The following WWP2 variants were observed in gnomAD, a reference collection of about 807,000 sequenced individuals.
The protein encoded by WWP2 is WW domain containing E3 ubiquitin protein ligase 2.
In WWP2, 57 loss-of-function variants were observed where a neutral mutation model predicts 121.0. That is an observed-to-expected ratio of 0.47 (90% confidence interval 0.38 to 0.59). The LOEUF (loss-of-function observed/expected upper bound fraction) is 0.59. Ranked by LOEUF, WWP2 falls within the 20% of genes least tolerant of loss-of-function variation. WWP2 has a pLI of 0.00. For missense variants in WWP2, 962 were observed against 1,158.9 expected, an observed-to-expected ratio of 0.83 and a Z score of 2.47; for synonymous variants, 449 against 441.3, an observed-to-expected ratio of 1.02 and a Z score of -0.22.
At chr16:69,907,573 G>T (rs904570234) in intron 8 of WWP2, among the ~76,000 whole-genome samples, 4 of 152,134 alleles carry the variant, frequency 2.6e-5, no homozygotes, top group African/African-American at 9.7e-5. Context: ...ATACATTTTT[G>T]CATCCTTTAT....
intron 2 of WWP2, among the ~76,000 whole-genome samples, chr16:69,790,985 T>C (rs2055897539): frequency 6.6e-6 from 1 of 152,228 alleles, no homozygotes; most frequent in Non-Finnish European, 1.5e-5. Flanking sequence ...TTTTGTAGTC[T>C]TGAAATATTT....
chr16:69,914,177 C>T (rs2058445030), intron 9 of WWP2, among the ~76,000 whole-genome samples: 1 of 147,778 alleles, frequency 6.8e-6, no homozygotes, highest in Non-Finnish European at 1.5e-5. Context: ...AGTTCTTTAG[C>T]AAGAACTTGC....
At chr16:69,857,014 TG>T (rs1452751050) in intron 6 of WWP2, among the ~76,000 whole-genome samples, 1 of 152,232 alleles carries the variant, frequency 6.6e-6, no homozygotes, top group African/African-American at 2.4e-5. Flanking sequence ...ATGTTTCTCG[TG>T]ATTCTTGATA....
chr16:69,930,528 C>T (rs1472055916), intron 13 of WWP2, among the ~76,000 whole-genome samples: 2 of 152,032 alleles, frequency 1.3e-5, no homozygotes, highest in Admixed American at 1.3e-4. Flanking sequence ...AAGACCCCAT[C>T]TCTACAAAAA....
chr16:69,786,839 A>T (rs1404073452), intron 1 of WWP2, among the ~76,000 whole-genome samples, 157 bp from the exon 2 acceptor site: 1 of 152,204 alleles, frequency 6.6e-6, no homozygotes, highest in Non-Finnish European at 1.5e-5. Context: ...GTCCAGGTTC[A>T]TTAAGTCATT....
At chr16:69,920,927 T>A (rs2058552789) in intron 10 of WWP2, among the ~76,000 whole-genome samples, 1 of 152,206 alleles carries the variant, frequency 6.6e-6, no homozygotes, top group Admixed American at 6.5e-5. Flanking sequence ...ATCTGCCTGG[T>A]CTTTTTGGAG....
intron 9 of WWP2, chr16:69,910,364 G>A (rs2058360898): frequency 1.2e-5 from 12 of 982,612 alleles, no homozygotes; most frequent in Non-Finnish European, 1.4e-5. Flanking sequence ...TGTACTTTGT[G>A]TACTTTATAA....
At chr16:69,860,568 G>A (rs944027720) in intron 6 of WWP2, among the ~76,000 whole-genome samples, 4 of 152,292 alleles carry the variant, frequency 2.6e-5, no homozygotes, top group Non-Finnish European at 2.9e-5. Flanking sequence ...AGAGAATGCC[G>A]GGCAAGTAGA....
intron 14 of WWP2, 114 bp downstream of exon 14, chr16:69,931,341 C>T (rs1167631586): frequency 6.7e-7 from 1 of 1,493,352 alleles, no homozygotes; most frequent in African/African-American, 1.4e-5. Context: ...GGGCGCAAGA[C>T]ACTTGTCTAA....
chr16:69,839,600 T>C (rs2056938541), intron 4 of WWP2, among the ~76,000 whole-genome samples: 1 of 152,024 alleles, frequency 6.6e-6, no homozygotes, highest in African/African-American at 2.4e-5. Flanking sequence ...TTGTTTTAAC[T>C]TTTTTTTCCT....
intron 11 of WWP2, 93 bp from the exon 12 acceptor site, chr16:69,929,355 C>A: frequency 8.4e-7 from 1 of 1,192,372 alleles, no homozygotes; most frequent in Non-Finnish European, 1.2e-6. Flanking sequence ...GAGATAAACT[C>A]AGACCCAGCA....
At chr16:69,939,719 GC>G (rs10712484) in intron 23 of WWP2, 121 bp from the exon 24 acceptor site, 674,402 of 890,190 alleles carry the variant, frequency 0.76, 258,704 homozygotes, top group East Asian at 0.96. Context: ...GGCCTGACTG[GC>G]AGCCCCTGAG....
chr16:69,936,053 C>T (rs1412991975), intron 18 of WWP2, 67 bp downstream of exon 18: 23 of 1,581,984 alleles, frequency 1.5e-5, no homozygotes, highest in Non-Finnish European at 2.0e-5. Flanking sequence ...GAAGCAGGTA[C>T]TGATGGCCTT....
chr16:69,878,855 A>T (rs188371257), intron 7 of WWP2, among the ~76,000 whole-genome samples: 1 of 152,192 alleles, frequency 6.6e-6, no homozygotes, highest in Non-Finnish European at 1.5e-5. Flanking sequence ...AAGACAAAGG[A>T]TGTGAATTTT....
rs1030881364 is a variant in WWP2 at position 69,929,325 on chromosome 16, T to C, written c.1235-123T>C. Reference sequence around the variant, plus strand: ...TGAGCTTGGCTTTGGCTGGTTCTTCTCTAACAGGCTGACAACAGGGAGATA... The same window carrying C: ...TGAGCTTGGCTTTGGCTGGTTCTTCCCTAACAGGCTGACAACAGGGAGATA... On this transcript the variant is annotated intron_variant, in intron 11 of 23. Transcript: ENST00000359154. 1.2e-5 allele frequency: 10 copies of C among 844,352 alleles called. No individual in the cohort carries two copies. In the African/African-American group the frequency reaches 1.5e-4, roughly 13 times the overall value. The allele number at this position is 844,352 out of a possible 1,614,324, so 52.3% of individuals were successfully genotyped here. A position where few individuals can be genotyped will look rare whatever the true frequency, so the allele number is the denominator to read the frequency against.
chr16:69,867,689 G>A (rs2057553195), intron 6 of WWP2, among the ~76,000 whole-genome samples: 1 of 152,180 alleles, frequency 6.6e-6, no homozygotes, highest in South Asian at 2.1e-4. Flanking sequence ...CTTGAGTGAG[G>A]ACACACCGCA....
chr16:69,927,056 GAT>G (rs1404720610), intron 11 of WWP2, among the ~76,000 whole-genome samples: 1 of 152,136 alleles, frequency 6.6e-6, no homozygotes, highest in African/African-American at 2.4e-5. Flanking sequence ...AAATATTTGA[GAT>G]AGAAATGGAG....
intron 9 of WWP2, among the ~76,000 whole-genome samples, chr16:69,913,085 C>T (rs1191932608): frequency 1.5e-5 from 2 of 135,424 alleles, no homozygotes; most frequent in African/African-American, 2.7e-5. Flanking sequence ...AGTGCAGTGG[C>T]GCAATCTCGG....
chr16:69,930,588 A>G (rs2058697015), intron 13 of WWP2, among the ~76,000 whole-genome samples: 1 of 152,180 alleles, frequency 6.6e-6, no homozygotes, highest in Admixed American at 6.5e-5. Flanking sequence ...AGTCCCAGCT[A>G]CATAGGAGGC....
Sources: gnomAD v4.1 joint callset for allele counts (sites outside exome capture counted in the v4.1 genomes callset) on GRCh38, gnomAD v4.1.1 for gene constraint, MANE v1.5 for transcripts, NCBI Gene and HGNC (gene_info 2026-07-23, HGNC 2026-07-21) for gene names.